The following DNAH9 variants were observed in gnomAD, a reference collection of about 807,000 sequenced individuals.
The protein encoded by DNAH9 is dynein axonemal heavy chain 9.
A neutral mutation model predicts 471.6 loss-of-function variants in DNAH9; 345 were observed. The ratio of observed to expected loss-of-function variants is 0.73; its 90% CI spans 0.67 to 0.80. The LOEUF (loss-of-function observed/expected upper bound fraction) is 0.80. Ranked by LOEUF, DNAH9 falls within the 30% of genes least tolerant of loss-of-function variation. The pLI is 0.00. For synonymous variants in DNAH9, 2,093 were observed against 2,123.6 expected (o/e 0.99, Z 0.40); for missense variants, 5,407 against 5,609.2 (o/e 0.96, Z 1.15).
chr17:11,657,850 T>C (rs1447525534), intron 14 of DNAH9, among the ~76,000 whole-genome samples: 1 of 151,978 alleles, frequency 6.6e-6, no homozygotes, highest in African/African-American at 2.4e-5. Flanking sequence ...TATAAAATAT[T>C]AATAAAAAAT....
rs58360645 is a variant in DNAH9, at chr17:11,650,962, G to C, written c.2098-107G>C. The C allele has an allele frequency of 2.0e-4, 240 of 1,191,318 alleles. 1 individual carries two copies. The African/African-American group carries it at 3.2e-3, about 16-fold the overall frequency. The allele number at this position is 1,191,318 out of a possible 1,614,324, so 73.8% of individuals were successfully genotyped here. A position where few individuals can be genotyped will look rare whatever the true frequency, so the allele number is the denominator to read the frequency against. On this transcript the variant is annotated intron_variant, in intron 12 of 68. Coordinates refer to ENST00000262442, the MANE Select transcript of DNAH9 (RefSeq NM_001372.4). Reference sequence around the variant, plus strand: ...CTGATAGGAGCAGAACTTAAGAAAAGACCCAGAAGATCTTTGGGCCTCCTG... The same window carrying C: ...CTGATAGGAGCAGAACTTAAGAAAACACCCAGAAGATCTTTGGGCCTCCTG...
intron 6 of DNAH9, among the ~76,000 whole-genome samples, chr17:11,628,966 C>T (rs540751870): frequency 4.6e-5 from 7 of 152,138 alleles, no homozygotes; most frequent in South Asian, 4.2e-4. Context: ...TTTACCAGCC[C>T]GATCTAATAA....
chr17:11,937,450 C>T lies in DNAH9; in HGVS notation c.12588C>T (p.Phe4196=), dbSNP rs967792143. The change falls in exon 66 of 69, where the codon TTC becomes TTT. Residue 4196 remains phenylalanine (F), a synonymous_variant. Transcript: ENST00000262442. This position sits in a 1 kb window ranked among gnomAD's most constrained non-coding sequence, Gnocchi z 4.1. ...GFLTQTSEKL[F]RTVLELQPRD... ...TGACCCAAACCTCAGAAAAGCTCTT[C>T]CGCACTGTGCTGGAGCTGCAGCCTC... 6.2e-7 allele frequency: 1 copy of T among 1,614,104 alleles called. No individual in the cohort carries two copies. The highest frequency in any genetic ancestry group is 2.2e-5 in the East Asian group (1 of 44,876).
chr17:11,938,869 G>T (rs1974803099), intron 66 of DNAH9, among the ~76,000 whole-genome samples: 1 of 152,032 alleles, frequency 6.6e-6, no homozygotes, highest in Non-Finnish European at 1.5e-5. Context: ...AAAGTGCTAG[G>T]ATTATAGGTG....
At chr17:11,694,537 T>C (rs944264306) in intron 22 of DNAH9, 90 bp downstream of exon 22, 2 of 1,436,388 alleles carry the variant, frequency 1.4e-6, no homozygotes, top group Admixed American at 3.5e-5. Flanking sequence ...ATGCCTCTTC[T>C]CTCTGGCAGG....
chr17:11,883,490 C>A, intron 55 of DNAH9, 96 bp from the exon 56 acceptor site: 2 of 1,461,442 alleles, frequency 1.4e-6, no homozygotes, highest in Non-Finnish European at 9.3e-7. Flanking sequence ...ACTTTACTAT[C>A]TTTAAGGCAA....
At chr17:11,756,452 A>G (rs1051343220) in intron 33 of DNAH9, 116 bp from the exon 34 acceptor site, 13 of 698,584 alleles carry the variant, frequency 1.9e-5, no homozygotes, top group Non-Finnish European at 2.6e-5. Context: ...CAAACCATAT[A>G]AAGGAAATAA....
intron 29 of DNAH9, 130 bp from the exon 30 acceptor site, chr17:11,742,045 G>A (rs1270265019): frequency 1.4e-6 from 1 of 738,018 alleles, no homozygotes; most frequent in East Asian, 2.5e-5. Flanking sequence ...AATGGCTCAG[G>A]TCTTTCCATG....
At chr17:11,920,024 C>G (rs1166452217) in intron 61 of DNAH9, among the ~76,000 whole-genome samples, 4 of 145,524 alleles carry the variant, frequency 2.7e-5, no homozygotes, top group African/African-American at 1.0e-4. Flanking sequence ...TGAAATGGAG[C>G]TAAGTTCTTT....
Position 11,843,873 on chromosome 17 carries a change from A to G in DNAH9, c.9507+8975A>G, listed in dbSNP as rs1400422884. ...TGTGTGTGTGTGTGTGTATATATAT[A>G]TATATATATATATATATACACATAG... On this transcript the variant is annotated intron_variant, in intron 49 of 68. Transcript: ENST00000262442. Among the ~76,000 whole-genome samples, 162 of 94,860 alleles carry G rather than the reference A, an allele frequency of 1.7e-3. 4 individuals are homozygous for G. The Middle Eastern group carries it at 0.022, about 13-fold the overall frequency. 62.2% of individuals were successfully genotyped at this position (94,860 alleles called of 152,430 possible).
chr17:11,824,463 A>G (rs1195292986), intron 48 of DNAH9, among the ~76,000 whole-genome samples: 1 of 151,768 alleles, frequency 6.6e-6, no homozygotes, highest in Non-Finnish European at 1.5e-5. Flanking sequence ...ATATGATTTC[A>G]CTCGTCAGAT....
chr17:11,855,863 TGACCTTTAGAAA>T (rs1971606420), intron 50 of DNAH9, among the ~76,000 whole-genome samples: 1 of 152,200 alleles, frequency 6.6e-6, no homozygotes, highest in African/African-American at 2.4e-5. Flanking sequence ...ACTGATCGTG[TGACCTTTAGAAA>T]GGTTTCCAAA....
At chr17:11,600,245 A>G (rs936983863) in intron 1 of DNAH9, among the ~76,000 whole-genome samples, 3 of 152,222 alleles carry the variant, frequency 2.0e-5, no homozygotes, top group Admixed American at 6.5e-5. Context: ...GATAGAAAGT[A>G]CTTTTGGCTT....
At chr17:11,836,993 C>T (rs1427610883) in intron 49 of DNAH9, among the ~76,000 whole-genome samples, 1 of 152,108 alleles carries the variant, frequency 6.6e-6, no homozygotes, top group East Asian at 1.9e-4. Flanking sequence ...ATGATAATAC[C>T]ATTCCCATTA....
intron 67 of DNAH9, 75 bp from the exon 68 acceptor site, chr17:11,961,791 AG>A: frequency 1.5e-5 from 23 of 1,507,486 alleles, no homozygotes; most frequent in Non-Finnish European, 2.0e-5. Context: ...GCCATGAGCC[AG>A]GGGTCTCTGA....
At chr17:11,848,659 C>T (rs923278139) in intron 49 of DNAH9, among the ~76,000 whole-genome samples, 15 of 151,964 alleles carry the variant, frequency 9.9e-5, no homozygotes, top group East Asian at 1.9e-4. Flanking sequence ...AGAAGATTGC[C>T]GTAAGTAACT....
intron 49 of DNAH9, among the ~76,000 whole-genome samples, chr17:11,852,014 G>A (rs1971440683): frequency 6.6e-6 from 1 of 151,990 alleles, no homozygotes. Flanking sequence ...TCACCTCAGG[G>A]GGCCGTGACA....
At chr17:11,598,960 G>A in intron 1 of DNAH9, 45 bp downstream of exon 1, 2 of 1,366,488 alleles carry the variant, frequency 1.5e-6, no homozygotes, top group African/African-American at 1.5e-5. Flanking sequence ...CTGGGTGGGG[G>A]AGGGGAGGAG....
chr17:11,820,573 A>C (rs1452297937), intron 45 of DNAH9, among the ~76,000 whole-genome samples: 2 of 152,188 alleles, frequency 1.3e-5, no homozygotes, highest in African/African-American at 4.8e-5. Flanking sequence ...TATATTCAAC[A>C]GAAATTTTTA....
Sources: gnomAD v4.1 joint callset for allele counts (sites outside exome capture counted in the v4.1 genomes callset) on GRCh38, gnomAD v4.1.1 for gene constraint, Gnocchi (gnomAD v3.1) non-coding constraint, MANE v1.5 for transcripts, NCBI Gene and HGNC (gene_info 2026-07-23, HGNC 2026-07-21) for gene names.